Variants in WDR44 observed in about 807,000 individuals in gnomAD.
WDR44 encodes WD repeat domain 44.
A neutral mutation model predicts 65.7 loss-of-function variants in WDR44; 9 were observed. The ratio of observed to expected loss-of-function variants is 0.14; its 90% CI spans 0.08 to 0.24. WDR44 has a LOEUF of 0.24. Among genes scored for constraint, WDR44 ranks in the 10% least tolerant of loss-of-function variants. The pLI, the probability that WDR44 is intolerant of heterozygous loss-of-function variation, is 1.00. For synonymous variants in WDR44, 220 were observed against 235.2 expected (o/e 0.94, Z 0.59); for missense variants, 425 against 670.9 (o/e 0.63, Z 4.05).
intron 14 of WDR44, among the ~76,000 whole-genome samples, chrX:118,438,797 GTTTTT>G (rs1213083479): frequency 1.6e-5 from 1 of 64,071 alleles, no homozygotes; most frequent in African/African-American, 5.7e-5. Flanking sequence ...GTTCAGCCAT[GTTTTT>G]TTTTTTTTTT....
At chrX:118,407,118 A>T in intron 10 of WDR44, 92 bp downstream of exon 10, 3 of 918,312 alleles carry the variant, frequency 3.3e-6, no homozygotes, top group Non-Finnish European at 4.5e-6. Flanking sequence ...TATGTATGTA[A>T]CTTTGCTAGC....
At chrX:118,414,293 TG>T (rs202008356) in intron 12 of WDR44, among the ~76,000 whole-genome samples, 3 of 61,546 alleles carry the variant, frequency 4.9e-5, no homozygotes, top group African/African-American at 8.1e-5. Context: ...CATGGTTTTG[TG>T]TTTTTTTTTT....
At chrX:118,415,987 C>T (rs1423239543) in intron 12 of WDR44, among the ~76,000 whole-genome samples, 2 of 111,511 alleles carry the variant, frequency 1.8e-5, no homozygotes, top group African/African-American at 6.5e-5. Context: ...TCATAGTAGC[C>T]TTGAATGATC....
At chrX:118,446,035 GAAAA>G (rs71931551) in intron 19 of WDR44, among the ~76,000 whole-genome samples, 2 of 65,370 alleles carry the variant, frequency 3.1e-5, no homozygotes, top group South Asian at 1.7e-3. Context: ...TCTCAAAAAA[GAAAA>G]AAAAAAAAAA....
intron 12 of WDR44, among the ~76,000 whole-genome samples, chrX:118,419,984 C>T (rs1245634351): frequency 9.0e-6 from 1 of 111,487 alleles, no homozygotes; most frequent in Non-Finnish European, 1.9e-5. Flanking sequence ...ATCAAAAATA[C>T]TCCATTACTT....
At chrX:118,348,875 A>G (rs2056377080) in intron 1 of WDR44, among the ~76,000 whole-genome samples, 1 of 112,341 alleles carries the variant, frequency 8.9e-6, no homozygotes, top group African/African-American at 3.2e-5. Flanking sequence ...CACTTCAGAA[A>G]TGTTCCTTGC....
rs141459854 is a variant in WDR44, at chrX:118,364,301, T to G, written c.78-14118T>G. 5.0e-3 allele frequency among the ~76,000 whole-genome samples: 564 copies of G among 112,028 alleles called. 3 individuals carry two copies. The highest frequency in any genetic ancestry group is 9.2e-3 in the Middle Eastern group (2 of 218). The stretch of plus-strand genomic sequence containing the variant: ...AATTTATTTAGTGTTTTAAAGCACT[T>G]CTAGCTCTCTGTAGTCTTATATAAT... On this transcript the variant is annotated intron_variant, in intron 1 of 19. Transcript: ENST00000254029.
At chrX:118,423,845 A>G (rs1007493966) in intron 12 of WDR44, among the ~76,000 whole-genome samples, 2 of 112,091 alleles carry the variant, frequency 1.8e-5, no homozygotes, top group African/African-American at 6.5e-5. Flanking sequence ...AAGTGGCATT[A>G]TGTAGTATTT....
At chrX:118,368,860 G>T (rs746379779) in intron 1 of WDR44, among the ~76,000 whole-genome samples, 1 of 106,291 alleles carries the variant, frequency 9.4e-6, no homozygotes, top group South Asian at 4.4e-4. Context: ...GGGACTACGG[G>T]TGTGCACCAC....
chrX:118,349,112 G>T (rs1014110883), intron 1 of WDR44, among the ~76,000 whole-genome samples: 10 of 112,001 alleles, frequency 8.9e-5, no homozygotes, highest in African/African-American at 3.2e-4. Flanking sequence ...TTTTTTTAGA[G>T]ACTTTTAATT....
intron 8 of WDR44, among the ~76,000 whole-genome samples, chrX:118,399,011 G>A (rs922705357): frequency 8.9e-6 from 1 of 112,194 alleles, no homozygotes; most frequent in Non-Finnish European, 1.9e-5. Context: ...GGTACGAAAA[G>A]TGTTAGTAGA....
At position 118,394,067 on chromosome X, in the gene WDR44, A is replaced by G; in HGVS notation, c.839A>G (p.Asn280Ser). The part of the protein sequence containing the change: ...KTPDIDVPKE[N>S]ITSDSLLTAS... ...ATTATCATTGCAGTTCCCAAAGAGA[A>G]TATTACGTCTGATTCTCTCCTAACC... is the stretch of plus-strand genomic sequence containing the variant. Residue 280 changes from asparagine to serine, a missense_variant, in exon 5 of 20, where the codon AAT becomes AGT. Physicochemically the swap from Asn to Ser is conservative, Grantham distance 46. This residue lies in a region of WDR44 where 193 missense variants were observed against 209.0 expected (regional missense o/e 0.92). Transcript: ENST00000254029. 8.3e-7 allele frequency: 1 copy of G among 1,209,308 alleles called. No homozygotes were observed. Among genetic ancestry groups the G allele is most frequent in the Non-Finnish European group, 1.1e-6 (1 of 893,563 alleles).
intron 12 of WDR44, among the ~76,000 whole-genome samples, chrX:118,416,614 A>G (rs973920869): frequency 2.7e-5 from 3 of 111,431 alleles, no homozygotes; most frequent in African/African-American, 6.5e-5. Flanking sequence ...CATATGGTCT[A>G]TCTTGGAGAA....
At chrX:118,387,462 T>C (rs1294728765) in intron 3 of WDR44, 48 bp downstream of exon 3, 3 of 939,373 alleles carry the variant, frequency 3.2e-6, no homozygotes, top group Non-Finnish European at 4.5e-6. Flanking sequence ...ACATCATATT[T>C]ATATGGTATA....
chrX:118,409,453 A>C, intron 10 of WDR44, 36 bp from the exon 11 acceptor site: 1 of 1,199,093 alleles, frequency 8.3e-7, no homozygotes. Context: ...CTAAAGGTGT[A>C]AAGTATTAAC....
At chrX:118,447,931 T>C (rs1325585627) in intron 19 of WDR44, among the ~76,000 whole-genome samples, 1 of 98,598 alleles carries the variant, frequency 1.0e-5, no homozygotes, top group Admixed American at 1.1e-4. Context: ...TGTGTAAAAG[T>C]GCCTAGCAAA....
chrX:118,391,511 G>A (rs1874745996), intron 3 of WDR44, among the ~76,000 whole-genome samples: 1 of 112,288 alleles, frequency 8.9e-6, no homozygotes, highest in African/African-American at 3.2e-5. Flanking sequence ...GTTCTATGAT[G>A]CATTCTGTTA....
At chrX:118,364,551 A>C (rs1189949073) in intron 1 of WDR44, among the ~76,000 whole-genome samples, 3 of 111,938 alleles carry the variant, frequency 2.7e-5, no homozygotes, top group Admixed American at 9.5e-5. Context: ...GATCTTTCTC[A>C]CCCTTTGTAT....
At chrX:118,402,581 C>G (rs909793546) in intron 8 of WDR44, among the ~76,000 whole-genome samples, 1 of 109,096 alleles carries the variant, frequency 9.2e-6, no homozygotes, top group African/African-American at 3.3e-5. Flanking sequence ...GACCCCGTCT[C>G]TACAAAAAAT....
Sources: gnomAD v4.1 joint callset for allele counts (sites outside exome capture counted in the v4.1 genomes callset) on GRCh38, gnomAD v4.1.1 for gene constraint, gnomAD v4.1.1 regional missense constraint, MANE v1.5 for transcripts, NCBI Gene and HGNC (gene_info 2026-07-23, HGNC 2026-07-21) for gene names.